FBXO8: variants seen among roughly 807,000 people sequenced by gnomAD.
FBXO8 encodes the protein F-box protein 8.
A neutral mutation model predicts 33.4 loss-of-function variants in FBXO8; 15 were observed. The observed-to-expected ratio is 0.45, with a 90% CI of 0.30 to 0.69. The LOEUF (loss-of-function observed/expected upper bound fraction) is 0.69. FBXO8 is among the 30% of genes least tolerant of loss of function. The pLI is 0.08. For missense variants in FBXO8, 274 were observed against 380.3 expected (o/e 0.72, Z 2.32); for synonymous variants, 132 against 131.5 (o/e 1.00, Z -0.02).
intron 4 of FBXO8, among the ~76,000 whole-genome samples, chr4:174,240,239 C>A (rs564894797): frequency 6.6e-6 from 1 of 151,550 alleles, no homozygotes; most frequent in African/African-American, 2.4e-5. Flanking sequence ...CTTAATGATG[C>A]GATCTTTACA....
Position 174,256,239 on chromosome 4 carries a change from C to T in FBXO8, c.456+3460G>A, listed in dbSNP as rs770680477. 1.2e-5 allele frequency: 5 copies of T among 431,540 alleles called. No individual in the cohort carries two copies. The highest frequency in any genetic ancestry group is 2.6e-5 in the Admixed American group (1 of 38,362). The allele number at this position is 431,540 out of a possible 1,614,324, so 26.7% of individuals were successfully genotyped here. On this transcript the variant is annotated intron_variant, in intron 3 of 5. Transcript: ENST00000393674. This position sits in a 1 kb window ranked among gnomAD's most constrained non-coding sequence, Gnocchi z 4.6. ...AAATTATGAAAAAGTAGACTTTTTA[C>T]AATACTAAGCAATTATATACATCTT...
Position 174,281,231 on chromosome 4 carries a change from T to C in FBXO8, c.-9+2179A>G, listed in dbSNP as rs958821619. On this transcript the variant is annotated intron_variant, in intron 1 of 5. Coordinates refer to ENST00000393674, the MANE Select transcript of FBXO8 (RefSeq NM_012180.3). The surrounding 1 kb of genome is among the most constrained non-coding windows in gnomAD (Gnocchi z 4.6). ...GACTTCCACAAATCACTACTCCATA[T>C]AGAGTCTCTCCAAGCTTGGCTTACT... 2.0e-5 allele frequency among the ~76,000 whole-genome samples: 3 copies of C among 152,150 alleles called. No individual in the cohort carries two copies. Among genetic ancestry groups the C allele is most frequent in the Non-Finnish European group, 4.4e-5 (3 of 68,032 alleles).
rs1158566015 is a variant in FBXO8, at chr4:174,262,397, T to C, written c.329+367A>G. 6.6e-6 allele frequency among the ~76,000 whole-genome samples: 1 copy of C among 152,208 alleles called. No homozygotes were observed. Among genetic ancestry groups the C allele is most frequent in the South Asian group, 2.1e-4 (1 of 4,838 alleles). ...CCTATTATTCAGATGGCAGGTATCC[T>C]ATGGGAAGCACAAACTACACAGCAT... On this transcript the variant is annotated intron_variant, in intron 2 of 5. Transcript: ENST00000393674. This position sits in a 1 kb window ranked among gnomAD's most constrained non-coding sequence, Gnocchi z 4.6.
intron 5 of FBXO8, 70 bp downstream of exon 5, chr4:174,238,924 G>A (rs572147086): frequency 1.0e-6 from 1 of 970,812 alleles, no homozygotes; most frequent in Non-Finnish European, 1.4e-6. Context: ...TGAGACAAAT[G>A]TCTCATATAT....
At chr4:174,273,235 T>C (rs566295107) in intron 1 of FBXO8, among the ~76,000 whole-genome samples, 16 of 150,842 alleles carry the variant, frequency 1.1e-4, no homozygotes, top group Admixed American at 9.9e-4. Flanking sequence ...TCCAGTGAAC[T>C]AAGATTACAC....
At position 174,237,975 on chromosome 4, in the gene FBXO8, A is replaced by G. The variant is rs1735926386; in HGVS notation, c.773-376T>C. Reference sequence around the variant, plus strand: ...CTTTCAAATGTGATATTTCTATTCAAACATCCATAAAATACATTTGTATTT... The same window carrying G: ...CTTTCAAATGTGATATTTCTATTCAGACATCCATAAAATACATTTGTATTT... On this transcript the variant is annotated intron_variant, in intron 5 of 5. Transcript: ENST00000393674. This position sits in a 1 kb window ranked among gnomAD's most constrained non-coding sequence, Gnocchi z 4.4. Among the ~76,000 whole-genome samples the G allele has an allele frequency of 6.6e-6, 1 of 152,042 alleles. No homozygotes were observed. The highest frequency in any genetic ancestry group is 6.6e-5 in the Admixed American group (1 of 15,258).
chr4:174,272,146 T>C lies in FBXO8; in HGVS notation c.-8-9046A>G, dbSNP rs1334302475. On this transcript the variant is annotated intron_variant, in intron 1 of 5. Transcript: ENST00000393674. The surrounding 1 kb of genome is among the most constrained non-coding windows in gnomAD (Gnocchi z 4.7). ...ATTAGGAGCTAATTTGAAGGAGGCT[T>C]CTATTGGCCAAACCTGGAACATCAA... is the stretch of plus-strand genomic sequence containing the variant. 6.6e-6 allele frequency among the ~76,000 whole-genome samples: 1 copy of C among 152,190 alleles called. No homozygotes were observed. Among genetic ancestry groups the C allele is most frequent in the Non-Finnish European group, 1.5e-5 (1 of 68,030 alleles).
At position 174,263,250 on chromosome 4, in the gene FBXO8, T is replaced by C. The variant is rs1736614561; in HGVS notation, c.-8-150A>G. On this transcript the variant is annotated intron_variant, in intron 1 of 5. Transcript: ENST00000393674. The surrounding 1 kb of genome is among the most constrained non-coding windows in gnomAD (Gnocchi z 4.2). ...AAAACCAGAAGTATATTACTAAGAA[T>C]AGCTGGAAAATTATAAGTGCAAATT... 2.7e-6 allele frequency: 2 copies of C among 729,562 alleles called. No individual in the cohort carries two copies. Among genetic ancestry groups the C allele is most frequent in the Non-Finnish European group, 4.4e-6 (2 of 459,572 alleles). 45.2% of individuals were successfully genotyped at this position (729,562 alleles called of 1,614,324 possible). A position where few individuals can be genotyped will look rare whatever the true frequency, so the allele number is the denominator to read the frequency against.
In FBXO8 at chr4:174,239,310, T is replaced by G. The variant is rs1735973484; in HGVS notation, c.576-120A>C. ...CCTTATTACTGATTACTAGATCAGC[T>G]AATCCTATAAAAGTATATATAATTC... On this transcript the variant is annotated intron_variant, in intron 4 of 5. Coordinates refer to ENST00000393674, the MANE Select transcript of FBXO8 (RefSeq NM_012180.3). 9.6e-6 allele frequency: 5 copies of G among 522,422 alleles called. No individual in the cohort carries two copies. The South Asian group carries it at 2.3e-4, about 24-fold the overall frequency. 32.4% of individuals were successfully genotyped at this position (522,422 alleles called of 1,614,324 possible). A position where few individuals can be genotyped will look rare whatever the true frequency, so the allele number is the denominator to read the frequency against.
chr4:174,273,304 ATGCC>A (rs1736879546), intron 1 of FBXO8, among the ~76,000 whole-genome samples: 1 of 133,060 alleles, frequency 7.5e-6, no homozygotes, highest in African/African-American at 2.7e-5. Context: ...TAAATCAATA[ATGCC>A]AATGTCATAA....
rs1000945396 is a variant in FBXO8 at position 174,253,085 on chromosome 4, T to C, written c.456+6614A>G. On this transcript the variant is annotated intron_variant, in intron 3 of 5. Coordinates refer to ENST00000393674, the MANE Select transcript of FBXO8 (RefSeq NM_012180.3). This position sits in a 1 kb window ranked among gnomAD's most constrained non-coding sequence, Gnocchi z 4.5. ...AGCATCCTTCAAGGTGAATGGAGCT[T>C]GGAATAAAGAATCCATATTCAACTC... Among the ~76,000 whole-genome samples, 3 of 152,184 alleles carry C rather than the reference T, an allele frequency of 2.0e-5. No homozygotes were observed. The highest frequency in any genetic ancestry group is 4.4e-5 in the Non-Finnish European group (3 of 68,026).
In FBXO8 at chr4:174,262,669, A is replaced by T. The variant is rs1244912498; in HGVS notation, c.329+95T>A. ...CATCTCAAAGTACAAGCCCAAGTTTAAAGAAAATATTTTGTAATATACATT... is the reference window on the plus strand; with the variant it reads ...CATCTCAAAGTACAAGCCCAAGTTTTAAGAAAATATTTTGTAATATACATT... On this transcript the variant is annotated intron_variant, in intron 2 of 5. Transcript: ENST00000393674. This position sits in a 1 kb window ranked among gnomAD's most constrained non-coding sequence, Gnocchi z 4.6. The T allele has an allele frequency of 2.7e-6, 3 of 1,098,018 alleles. No individual in the cohort carries two copies. The highest frequency in any genetic ancestry group is 3.2e-5 in the African/African-American group (2 of 62,878). 68.0% of individuals were successfully genotyped at this position (1,098,018 alleles called of 1,614,324 possible).
rs1276398602 is a variant in FBXO8, at chr4:174,245,533, AGACTAT to A, written c.457-4321_457-4316del. ...TGGGTTGGAGAGTAAATGTACAACC[AGACTAT>A]GACAGTGACAGAAATAGTGCTGAAT... is the stretch of plus-strand genomic sequence containing the variant. On this transcript the variant is annotated intron_variant, in intron 3 of 5. Coordinates refer to ENST00000393674, the MANE Select transcript of FBXO8 (RefSeq NM_012180.3). The surrounding 1 kb of genome is among the most constrained non-coding windows in gnomAD (Gnocchi z 4.6). Among the ~76,000 whole-genome samples, 1 of 151,940 alleles carries A rather than the reference AGACTAT, an allele frequency of 6.6e-6. No homozygotes were observed. The highest frequency in any genetic ancestry group is 1.5e-5 in the Non-Finnish European group (1 of 67,906).
rs138067606 is a variant in FBXO8, at chr4:174,265,072, C to T, written c.-8-1972G>A. Among the ~76,000 whole-genome samples, 360 of 152,164 alleles carry T rather than the reference C, an allele frequency of 2.4e-3. 1 individual carries two copies. Among genetic ancestry groups the T allele is most frequent in the African/African-American group, 8.0e-3 (334 of 41,550 alleles). On this transcript the variant is annotated intron_variant, in intron 1 of 5. Transcript: ENST00000393674. This position sits in a 1 kb window ranked among gnomAD's most constrained non-coding sequence, Gnocchi z 4.7. ...CTGAAAATAACATAACTATGAGATACTACTACACACCCATTAAAAGAGTAT... is the reference window on the plus strand; with the variant it reads ...CTGAAAATAACATAACTATGAGATATTACTACACACCCATTAAAAGAGTAT...
chr4:174,268,658 C>A (rs368628379), intron 1 of FBXO8, among the ~76,000 whole-genome samples: 14 of 152,172 alleles, frequency 9.2e-5, no homozygotes, highest in East Asian at 1.9e-4. Flanking sequence ...GGATGGTCTC[C>A]ATCTCCTGAC....
At chr4:174,271,422 A>G (rs926954148) in intron 1 of FBXO8, among the ~76,000 whole-genome samples, 1 of 152,208 alleles carries the variant, frequency 6.6e-6, no homozygotes, top group Non-Finnish European at 1.5e-5. Context: ...CTACACAATA[A>G]GAATAAAAAT....
intron 1 of FBXO8, among the ~76,000 whole-genome samples, chr4:174,271,047 C>G (rs184462480): frequency 6.6e-6 from 1 of 152,058 alleles, no homozygotes; most frequent in Non-Finnish European, 1.5e-5. Flanking sequence ...AAATCTCAAC[C>G]TTGGTTGTAT....
At position 174,237,684 on chromosome 4, in the gene FBXO8, T is replaced by G; in HGVS notation, c.773-85A>C. 1 of 1,114,348 alleles carries G rather than the reference T, an allele frequency of 9.0e-7. No homozygotes were observed. The highest frequency in any genetic ancestry group is 1.3e-6 in the Non-Finnish European group (1 of 789,672). 69.0% of individuals were successfully genotyped at this position (1,114,348 alleles called of 1,614,324 possible). A position where few individuals can be genotyped will look rare whatever the true frequency, so the allele number is the denominator to read the frequency against. Reference sequence around the variant, plus strand: ...GCATTATATAAGGCAAAAATGTTCATAATTTCAAGATATCAAGATTAGCTC... The same window carrying G: ...GCATTATATAAGGCAAAAATGTTCAGAATTTCAAGATATCAAGATTAGCTC... On this transcript the variant is annotated intron_variant, in intron 5 of 5. Transcript: ENST00000393674. This position sits in a 1 kb window ranked among gnomAD's most constrained non-coding sequence, Gnocchi z 4.4.
At position 174,263,283 on chromosome 4, in the gene FBXO8, A is replaced by G. The variant is rs1401207154; in HGVS notation, c.-8-183T>C. Among the ~76,000 whole-genome samples, 1 of 152,236 alleles carries G rather than the reference A, an allele frequency of 6.6e-6. No homozygotes were observed. The highest frequency in any genetic ancestry group is 2.4e-5 in the African/African-American group (1 of 41,462). On this transcript the variant is annotated intron_variant, in intron 1 of 5. Transcript: ENST00000393674. This position sits in a 1 kb window ranked among gnomAD's most constrained non-coding sequence, Gnocchi z 4.2. Reference sequence around the variant, plus strand: ...AAATTATAAGTGCAAATTTTGATAGACAAAGTTTCAGAATTACTTGGTTCG... The same window carrying G: ...AAATTATAAGTGCAAATTTTGATAGGCAAAGTTTCAGAATTACTTGGTTCG...
Sources: allele counts gnomAD v4.1 joint callset (sites outside exome capture counted in the v4.1 genomes callset), GRCh38; gene constraint gnomAD v4.1.1; non-coding constraint Gnocchi (gnomAD v3.1); transcripts MANE v1.5; gene names NCBI Gene and HGNC (gene_info 2026-07-23, HGNC 2026-07-21).